The following PKHD1 variants were observed in gnomAD, a reference collection of about 807,000 sequenced individuals.
The protein encoded by PKHD1 is fibrocystin.
Under a neutral mutation model 412.0 loss-of-function variants are expected in PKHD1, and 291 were observed. The observed-to-expected ratio is 0.71, with a 90% CI of 0.64 to 0.78. The LOEUF (loss-of-function observed/expected upper bound fraction) is 0.78, where lower values mean the gene tolerates loss of function less well. Among genes scored for constraint, PKHD1 ranks in the 30% least tolerant of loss-of-function variants. The pLI is 0.00. For missense variants in PKHD1, 4,825 were observed against 4,950.7 expected, an observed-to-expected ratio of 0.97 and a Z score of 0.76; for synonymous variants, 1,777 against 1,821.5, an observed-to-expected ratio of 0.98 and a Z score of 0.62.
At chr6:51,767,316 T>C (rs1406507216) in intron 55 of PKHD1, among the ~76,000 whole-genome samples, 1 of 152,100 alleles carries the variant, frequency 6.6e-6, no homozygotes, top group African/African-American at 2.4e-5. Flanking sequence ...TCCCTCAGTA[T>C]GTTCCTCTTA....
intron 35 of PKHD1, among the ~76,000 whole-genome samples, chr6:51,970,375 A>G (rs969079833): frequency 6.6e-6 from 1 of 152,132 alleles, no homozygotes; most frequent in African/African-American, 2.4e-5. Flanking sequence ...TGTAGTTTGC[A>G]AATATTTTCT....
chr6:51,969,842 T>C (rs1793400677), intron 35 of PKHD1, among the ~76,000 whole-genome samples: 1 of 152,212 alleles, frequency 6.6e-6, no homozygotes, highest in Admixed American at 6.5e-5. Context: ...CATTTGTCAT[T>C]GGAAACTTAG....
chr6:51,828,957 C>T (rs144622464), intron 52 of PKHD1, among the ~76,000 whole-genome samples: 13 of 152,190 alleles, frequency 8.5e-5, no homozygotes, highest in African/African-American at 2.9e-4. Context: ...GGTTATTAGA[C>T]AACAGGAGAG....
intron 60 of PKHD1, among the ~76,000 whole-genome samples, chr6:51,716,946 C>T (rs1012671061): frequency 2.0e-5 from 3 of 152,136 alleles, no homozygotes; most frequent in Non-Finnish European, 4.4e-5. Flanking sequence ...ACCCTTGACA[C>T]TAATCCTGGT....
At chr6:51,883,892 C>T (rs1777785250) in intron 45 of PKHD1, among the ~76,000 whole-genome samples, 1 of 152,170 alleles carries the variant, frequency 6.6e-6, no homozygotes, top group African/African-American at 2.4e-5. Flanking sequence ...GCTGTGAGTT[C>T]TATCACTTGC....
At position 52,010,326 on chromosome 6, in the gene PKHD1, A is replaced by T. The variant is rs776853086; in HGVS notation, c.5734T>A (p.Trp1912Arg). Residue 1912 changes from tryptophan (W) to arginine (R), a missense_variant, in exon 35 of 67, where the codon TGG (tryptophan) becomes AGG (arginine). Transcript: ENST00000371117. ...GATTATACCTGAGTGTTCTGGCCCC[A>T]GCGTTTCCGTATCTCAGTAATCTTG... ...TVKITEIRKR[W>R]GQNTQGNFSL... 8.7e-6 allele frequency: 14 copies of T among 1,613,794 alleles called. No individual in the cohort carries two copies. The highest frequency in any genetic ancestry group is 7.6e-6 in the Non-Finnish European group (9 of 1,179,888).
intron 40 of PKHD1, among the ~76,000 whole-genome samples, chr6:51,907,965 T>G (rs901816351): frequency 6.6e-6 from 1 of 152,122 alleles, no homozygotes; most frequent in Non-Finnish European, 1.5e-5. Context: ...GTGGGAGAGA[T>G]AGGTTAGGTA....
intron 63 of PKHD1, among the ~76,000 whole-genome samples, chr6:51,644,773 G>A (rs961716724): frequency 1.1e-4 from 17 of 152,092 alleles, no homozygotes; most frequent in African/African-American, 3.9e-4. Context: ...TCCACCTCCC[G>A]GGTTCAAGCA....
chr6:51,955,295 T>C (rs534368682), intron 36 of PKHD1, among the ~76,000 whole-genome samples: 15 of 152,030 alleles, frequency 9.9e-5, no homozygotes, highest in African/African-American at 3.1e-4. Context: ...TAAAATAAAA[T>C]AATAAATGCA....
chr6:52,014,826 A>ATGGATGGG lies in PKHD1; in HGVS notation c.5600+2583_5600+2584insCCCATCCA, dbSNP rs1554193261. Among the ~76,000 whole-genome samples the ATGGATGGG allele has an allele frequency of 5.5e-4, 83 of 152,002 alleles. 2 individuals carry two copies. The highest frequency in any genetic ancestry group is 1.9e-3 in the African/African-American group (79 of 41,448). ...GATGGATGGATGGATGGATGGATGG[A>ATGGATGGG]CGGACGAATAGACAGGGTATAATTT... On this transcript the variant is annotated intron_variant, in intron 34 of 66. Coordinates refer to ENST00000371117, the MANE Select transcript of PKHD1 (RefSeq NM_138694.4).
rs1220694113 is a variant in PKHD1, at chr6:52,050,163, G to A, written c.2273C>T (p.Thr758Ile). 6.2e-7 allele frequency: 1 copy of A among 1,614,100 alleles called. No homozygotes were observed. The change falls in exon 22 of 67, where the codon ACT (threonine) becomes ATT (isoleucine). Residue 758 changes from threonine (T) to isoleucine (I), a missense_variant. Transcript: ENST00000371117. ...AGCGTELPLI[T>I]ARSVPTEGTE... ...TAAAAAAGCCACTCCTTACCGTGCA[G>A]TGATGAGCGGGAGCTCCGTGCCACA...
At chr6:51,931,126 T>G (rs913883944) in intron 37 of PKHD1, among the ~76,000 whole-genome samples, 1 of 152,186 alleles carries the variant, frequency 6.6e-6, no homozygotes, top group African/African-American at 2.4e-5. Context: ...TGATTCCAAT[T>G]TGATTAACCA....
At chr6:52,030,347 G>C (rs1802855888) in intron 29 of PKHD1, among the ~76,000 whole-genome samples, 1 of 152,146 alleles carries the variant, frequency 6.6e-6, no homozygotes, top group Non-Finnish European at 1.5e-5. Flanking sequence ...CATGTGGTTT[G>C]TTAGATATCC....
At chr6:51,968,782 T>A (rs1225957756) in intron 35 of PKHD1, among the ~76,000 whole-genome samples, 1 of 152,180 alleles carries the variant, frequency 6.6e-6, no homozygotes, top group African/African-American at 2.4e-5. Context: ...TGGAACAGAC[T>A]TCTACAATGC....
rs368081890 is a variant in PKHD1, at chr6:51,619,375, G to A, written c.11931C>T (p.Ser3977=). Residue 3977 remains serine, a synonymous_variant, in exon 67 of 67, where the codon TCC becomes TCT. Coordinates refer to ENST00000371117, the MANE Select transcript of PKHD1 (RefSeq NM_138694.4). ...VPAPGTTGIT[S]HGHICAPGAP... is the part of the protein sequence containing the mutation. ...CACCTGGAGCACAGATGTGCCCATGGGATGTGATGCCAGTAGTACCAGGAG... is the reference window on the plus strand; with the variant it reads ...CACCTGGAGCACAGATGTGCCCATGAGATGTGATGCCAGTAGTACCAGGAG... 5 of 1,613,852 alleles carry A rather than the reference G, an allele frequency of 3.1e-6. No homozygotes were observed. The African/African-American group carries it at 5.3e-5, about 17-fold the overall frequency.
In PKHD1 at chr6:51,775,790, A is replaced by T. The variant is rs1323837624; in HGVS notation, c.8554+18T>A. The T allele has an allele frequency of 1.8e-6, 2 of 1,129,100 alleles. No individual in the cohort carries two copies. The highest frequency in any genetic ancestry group is 2.7e-6 in the Non-Finnish European group (2 of 741,782). The allele number at this position is 1,129,100 out of a possible 1,614,324, so 69.9% of individuals were successfully genotyped here. On this transcript the variant is annotated intron_variant, in intron 54 of 66. Coordinates refer to ENST00000371117, the MANE Select transcript of PKHD1 (RefSeq NM_138694.4). ...CACATGCATTTTATTTTTAATAAAA[A>T]CTATATTATACTCTTACCAATTGTT...
At chr6:51,891,967 C>T (rs948633116) in intron 43 of PKHD1, among the ~76,000 whole-genome samples, 16 of 152,274 alleles carry the variant, frequency 1.1e-4, no homozygotes, top group African/African-American at 3.6e-4. Flanking sequence ...GAGGCCAGCA[C>T]ATACTGACAC....
At chr6:51,752,653 A>AACT (rs1218001184) in intron 57 of PKHD1, among the ~76,000 whole-genome samples, 1 of 152,232 alleles carries the variant, frequency 6.6e-6, no homozygotes, top group Non-Finnish European at 1.5e-5. Context: ...ATCAGGAAAG[A>AACT]ACTTTGGAAT....
chr6:51,941,339 TCCGCTTC>T (rs1788523735), intron 36 of PKHD1, among the ~76,000 whole-genome samples: 1 of 141,242 alleles, frequency 7.1e-6, no homozygotes, highest in African/African-American at 2.6e-5. Context: ...CACTGCAAGC[TCCGCTTC>T]CCGGGTTCAC....
Sources: allele counts gnomAD v4.1 joint callset (sites outside exome capture counted in the v4.1 genomes callset), GRCh38; gene constraint gnomAD v4.1.1; transcripts MANE v1.5; gene names NCBI Gene and HGNC (gene_info 2026-07-23, HGNC 2026-07-21).